DGKB: variants seen among roughly 807,000 people sequenced by gnomAD.
The protein encoded by DGKB is diacylglycerol kinase beta, also known as 90 kDa diacylglycerol kinase.
A neutral mutation model predicts 114.3 loss-of-function variants in DGKB; 67 were observed. The observed-to-expected ratio is 0.59, with a 90% CI of 0.48 to 0.72. The LOEUF (loss-of-function observed/expected upper bound fraction) is 0.72. DGKB is among the 30% of genes least tolerant of loss of function. The pLI, the probability that DGKB is intolerant of heterozygous loss-of-function variation, is 0.00. For missense variants in DGKB, 907 were observed against 975.2 expected, an observed-to-expected ratio of 0.93 and a Z score of 0.93; for synonymous variants, 398 against 323.1, an observed-to-expected ratio of 1.23 and a Z score of -2.49.
intron 23 of DGKB, among the ~76,000 whole-genome samples, chr7:14,307,665 T>G (rs750706967): frequency 2.0e-5 from 3 of 152,198 alleles, no homozygotes; most frequent in Non-Finnish European, 4.4e-5. Flanking sequence ...GTAGTTAATA[T>G]GAATAAAAGT....
At chr7:14,896,280 G>A (rs1310255157) in intron 1 of DGKB, among the ~76,000 whole-genome samples, 1 of 151,732 alleles carries the variant, frequency 6.6e-6, no homozygotes, top group African/African-American at 2.4e-5. Context: ...GTAAGGGAAA[G>A]GGAGTTAAAA....
At chr7:14,226,196 T>C (rs1790778180) in intron 23 of DGKB, among the ~76,000 whole-genome samples, 1 of 151,958 alleles carries the variant, frequency 6.6e-6, no homozygotes, top group Non-Finnish European at 1.5e-5. Context: ...TATCAGAAAT[T>C]ATTATAAATG....
intron 2 of DGKB, among the ~76,000 whole-genome samples, chr7:14,759,630 T>C (rs1278987456): frequency 6.6e-6 from 1 of 152,216 alleles, no homozygotes; most frequent in African/African-American, 2.4e-5. Context: ...TTATAATGAA[T>C]ATACTCCATT....
Position 14,367,076 on chromosome 7 carries a change from TAC to T in DGKB, c.1836-21687_1836-21686del, listed in dbSNP as rs1254849366. Among the ~76,000 whole-genome samples, 10 of 152,212 alleles carry T rather than the reference TAC, an allele frequency of 6.6e-5. No individual in the cohort carries two copies. In the East Asian group the frequency reaches 1.7e-3, roughly 27 times the overall value. ...CCCAGGCTAGAGACATGCGGTGCAA[TAC>T]TCTCTTGCGATGCCAGGCAGTAGCA... On this transcript the variant is annotated intron_variant, in intron 21 of 25. Coordinates refer to ENST00000402815, the MANE Select transcript of DGKB (RefSeq NM_001350709.2).
intron 23 of DGKB, among the ~76,000 whole-genome samples, chr7:14,240,108 T>C (rs1040739429): frequency 1.3e-5 from 2 of 152,080 alleles, no homozygotes; most frequent in Non-Finnish European, 2.9e-5. Flanking sequence ...ATGTTCTGTA[T>C]CTTCCCTTAT....
At chr7:14,771,801 C>T (rs1321846505) in intron 2 of DGKB, among the ~76,000 whole-genome samples, 1 of 152,180 alleles carries the variant, frequency 6.6e-6, no homozygotes, top group African/African-American at 2.4e-5. Context: ...CTTTGTTTTC[C>T]TTCCTTTCTT....
intron 25 of DGKB, among the ~76,000 whole-genome samples, chr7:14,164,826 T>C (rs181096319): frequency 6.6e-6 from 1 of 152,286 alleles, no homozygotes; most frequent in African/African-American, 2.4e-5. Flanking sequence ...TCAGATGTAT[T>C]ATTAAATATA....
Position 14,607,071 on chromosome 7 carries a change from T to A in DGKB, c.1433+363A>T, listed in dbSNP as rs139067791. Among the ~76,000 whole-genome samples, 169 of 152,010 alleles carry A rather than the reference T, an allele frequency of 1.1e-3. 1 individual carries two copies. Among genetic ancestry groups the A allele is most frequent in the African/African-American group, 3.9e-3 (162 of 41,500 alleles). ...GCTTTCTCTTTACTTTTAGCAGATA[T>A]TTTAAATATAAGAAGTACAATAAAA... On this transcript the variant is annotated intron_variant, in intron 17 of 25. Transcript: ENST00000402815.
chr7:14,508,254 A>G (rs929523094), intron 20 of DGKB, among the ~76,000 whole-genome samples: 9 of 152,198 alleles, frequency 5.9e-5, no homozygotes, highest in African/African-American at 2.2e-4. Context: ...TCTATTAAAT[A>G]TTCTTCCTTG....
intron 20 of DGKB, among the ~76,000 whole-genome samples, chr7:14,521,542 C>G (rs574835568): frequency 1.3e-5 from 2 of 152,182 alleles, no homozygotes; most frequent in Non-Finnish European, 2.9e-5. Context: ...TTGAGCCACT[C>G]TAGTGAATTT....
intron 1 of DGKB, among the ~76,000 whole-genome samples, chr7:14,936,832 G>C (rs569637084): frequency 6.6e-6 from 1 of 152,190 alleles, no homozygotes; most frequent in South Asian, 2.1e-4. Context: ...CTTGAGCAGT[G>C]TTACAAAAGG....
intron 19 of DGKB, among the ~76,000 whole-genome samples, chr7:14,579,343 G>A (rs1175690730): frequency 6.6e-6 from 1 of 152,058 alleles, no homozygotes; most frequent in Non-Finnish European, 1.5e-5. Context: ...CATTGTTAGT[G>A]CTTTGTATGT....
intron 1 of DGKB, among the ~76,000 whole-genome samples, chr7:14,924,703 AT>A (rs1166257995): frequency 6.6e-6 from 1 of 152,024 alleles, no homozygotes; most frequent in Non-Finnish European, 1.5e-5. Flanking sequence ...TAATCATTGA[AT>A]TTTGTGTAAT....
At chr7:14,267,690 C>T (rs930584923) in intron 23 of DGKB, among the ~76,000 whole-genome samples, 3 of 151,822 alleles carry the variant, frequency 2.0e-5, no homozygotes, top group African/African-American at 4.8e-5. Flanking sequence ...GGGGTTTTAC[C>T]GTGTTAGCCA....
At chr7:14,591,073 C>G (rs1801629528) in intron 17 of DGKB, among the ~76,000 whole-genome samples, 1 of 152,098 alleles carries the variant, frequency 6.6e-6, no homozygotes, top group South Asian at 2.1e-4. Flanking sequence ...GACAAGTAAA[C>G]TGAAGAGTCT....
chr7:14,704,281 A>T (rs1289949815), intron 6 of DGKB, among the ~76,000 whole-genome samples: 1,795 of 40,134 alleles, frequency 0.045, 36 homozygotes, highest in African/African-American at 0.13. Context: ...TAAAAATACA[A>T]AAAAAAAAAA....
At chr7:14,831,542 C>T (rs1325276784) in intron 2 of DGKB, among the ~76,000 whole-genome samples, 1 of 152,016 alleles carries the variant, frequency 6.6e-6, no homozygotes, top group Non-Finnish European at 1.5e-5. Context: ...ACACAACTCT[C>T]TGCTTGTGCA....
At chr7:14,904,195 T>C (rs916826972), upstream of DGKB, among the ~76,000 whole-genome samples, 2 of 149,800 alleles carry the variant, frequency 1.3e-5, no homozygotes, top group Non-Finnish European at 3.0e-5. Flanking sequence ...GTAGATTGAG[T>C]AATCATGAAC....
At chr7:14,694,342 T>C (rs1585716838) in intron 8 of DGKB, 148 bp from the exon 9 acceptor site, 1 of 695,826 alleles carries the variant, frequency 1.4e-6, no homozygotes. Context: ...CTATTACTGA[T>C]GAAGAGCGAC....
Sources: gnomAD v4.1 joint callset for allele counts (sites outside exome capture counted in the v4.1 genomes callset) on GRCh38, gnomAD v4.1.1 for gene constraint, MANE v1.5 for transcripts, NCBI Gene and HGNC (gene_info 2026-07-23, HGNC 2026-07-21) for gene names.